DISP1: variants seen among roughly 807,000 people sequenced by gnomAD.
DISP1 encodes dispatched RND transporter family member 1.
Under a neutral mutation model 37.3 loss-of-function variants are expected in DISP1, and 30 were observed. The observed-to-expected ratio is 0.80, with a 90% CI of 0.60 to 1.09. The LOEUF is 1.09. DISP1 is among the 50% of genes least tolerant of loss of function. The pLI is 0.00. For synonymous variants in DISP1, 634 were observed against 690.2 expected, an observed-to-expected ratio of 0.92 and a Z score of 1.28; for missense variants, 1,598 against 1,879.5, an observed-to-expected ratio of 0.85 and a Z score of 2.77.
intron 3 of DISP1, among the ~76,000 whole-genome samples, chr1:222,980,720 A>G (rs549529863): frequency 6.6e-6 from 1 of 152,304 alleles, no homozygotes; most frequent in East Asian, 1.9e-4. Flanking sequence ...TACTGTACAT[A>G]TATAAAAAGA....
intron 1 of DISP1, among the ~76,000 whole-genome samples, chr1:222,857,338 A>G (rs1668612732): frequency 6.6e-6 from 1 of 152,214 alleles, no homozygotes; most frequent in Non-Finnish European, 1.5e-5. Context: ...GAATTGGACA[A>G]AAGTTGGAAG....
At chr1:222,897,793 C>T (rs1198292573) in intron 1 of DISP1, among the ~76,000 whole-genome samples, 3 of 152,108 alleles carry the variant, frequency 2.0e-5, no homozygotes, top group African/African-American at 7.2e-5. Flanking sequence ...AAATACATAC[C>T]AGTTTTATTA....
intron 1 of DISP1, among the ~76,000 whole-genome samples, chr1:222,859,044 C>A (rs1558296931): frequency 6.6e-6 from 1 of 152,286 alleles, no homozygotes; most frequent in South Asian, 2.1e-4. Flanking sequence ...ATGTTCATTG[C>A]AGCACTATTC....
chr1:222,959,265 A>C (rs953199649), intron 3 of DISP1, among the ~76,000 whole-genome samples: 1 of 152,222 alleles, frequency 6.6e-6, no homozygotes, highest in Admixed American at 6.5e-5. Context: ...AATAGTATTA[A>C]TGATTTTATT....
At chr1:222,936,640 G>T (rs1355339561) in intron 2 of DISP1, among the ~76,000 whole-genome samples, 1 of 100,712 alleles carries the variant, frequency 9.9e-6, no homozygotes. Context: ...TCATATATAT[G>T]AGATATATAT....
In DISP1 at chr1:223,005,791, A is replaced by G. The variant is rs574804436; in HGVS notation, c.4394A>G (p.Asn1465Ser). ...FNQNEPKVLF[N>S]HLMGEAGCRS... is the part of the protein sequence containing the mutation. ...CAGAATGAACCAAAAGTCCTATTTA[A>G]TCATTTAATGGGGGAGGCTGGTTGT... Residue 1465 changes from asparagine (N) to serine (S), a missense_variant, in exon 9 of 9, where the codon AAT (asparagine) becomes AGT (serine). Coordinates refer to ENST00000675850, the MANE Select transcript of DISP1 (RefSeq NM_001377229.1). 1 of 1,614,240 alleles carries G rather than the reference A, an allele frequency of 6.2e-7. No homozygotes were observed. Among genetic ancestry groups the G allele is most frequent in the Admixed American group, 1.7e-5 (1 of 60,032 alleles).
intron 1 of DISP1, among the ~76,000 whole-genome samples, chr1:222,829,039 G>A (rs974513265): frequency 1.3e-5 from 2 of 152,040 alleles, no homozygotes; most frequent in African/African-American, 4.8e-5. Context: ...CTTTCATTTA[G>A]AGTCATAAGA....
intron 3 of DISP1, among the ~76,000 whole-genome samples, chr1:222,966,967 G>A (rs1676541522): frequency 6.6e-6 from 1 of 152,126 alleles, no homozygotes; most frequent in Non-Finnish European, 1.5e-5. Flanking sequence ...CTGGTATGGA[G>A]TGGGAGGGAG....
intron 3 of DISP1, among the ~76,000 whole-genome samples, chr1:222,973,551 C>T (rs1286021264): frequency 2.0e-5 from 3 of 151,934 alleles, no homozygotes; most frequent in South Asian, 2.1e-4. Context: ...ATGGATGTGC[C>T]GCCATTTATT....
intron 1 of DISP1, among the ~76,000 whole-genome samples, chr1:222,872,901 G>A (rs1056985904): frequency 2.6e-5 from 4 of 152,066 alleles, no homozygotes; most frequent in African/African-American, 7.2e-5. Context: ...GCTTTCTCTT[G>A]TGGGCATTTA....
At chr1:222,856,768 A>G (rs542174904) in intron 1 of DISP1, among the ~76,000 whole-genome samples, 1 of 146,286 alleles carries the variant, frequency 6.8e-6, no homozygotes, top group South Asian at 2.2e-4. Flanking sequence ...GCAGTGGCTC[A>G]ATCTTGGCTC....
chr1:222,837,007 C>T, intron 1 of DISP1: 1 of 398,496 alleles, frequency 2.5e-6, no homozygotes, highest in Non-Finnish European at 4.4e-6. Context: ...AATAAAATTT[C>T]TAGTCCTGCC....
rs1169659747 is a variant in DISP1, at chr1:222,991,536, G to T, written c.680G>T (p.Gly227Val). The T allele has an allele frequency of 2.5e-5, 40 of 1,613,778 alleles. No homozygotes were observed. The highest frequency in any genetic ancestry group is 1.7e-4 in the Middle Eastern group (1 of 6,056). Reference sequence around the variant, plus strand: ...TTGCCTTAGGGTTTTGAACCAAGAGGAACAGCAATAGGCCAGAGATTGGTC... The same window carrying T: ...TTGCCTTAGGGTTTTGAACCAAGAGTAACAGCAATAGGCCAGAGATTGGTC... ...SDPLLGFEPR[G>V]TAIGQRLVTW... is the part of the protein sequence containing the mutation. Residue 227 changes from glycine (G) to valine (V), a missense_variant, in exon 6 of 9, where the codon GGA becomes GTA. Gly to Val is a moderately radical substitution (Grantham distance 109). Transcript: ENST00000675850.
chr1:222,948,471 G>A (rs1674957332), intron 3 of DISP1, among the ~76,000 whole-genome samples: 1 of 152,318 alleles, frequency 6.6e-6, no homozygotes, highest in Non-Finnish European at 1.5e-5. Flanking sequence ...GATGTCCTTG[G>A]TAAGGAATTC....
intron 2 of DISP1, among the ~76,000 whole-genome samples, chr1:222,932,242 A>G (rs1023607482): frequency 1.3e-5 from 2 of 151,920 alleles, no homozygotes; most frequent in African/African-American, 4.8e-5. Flanking sequence ...AGGATGCTTT[A>G]AAAAATGCTA....
intron 2 of DISP1, among the ~76,000 whole-genome samples, chr1:222,936,855 A>AT (rs1289268546): frequency 7.5e-5 from 5 of 66,332 alleles, no homozygotes; most frequent in South Asian, 5.5e-4. Context: ...TATATATGAT[A>AT]TATAATTTAT....
At chr1:222,876,906 T>C (rs1014700944) in intron 1 of DISP1, among the ~76,000 whole-genome samples, 18 of 152,206 alleles carry the variant, frequency 1.2e-4, no homozygotes, top group African/African-American at 4.1e-4. Flanking sequence ...AATGTTAAGA[T>C]TTTATAAATC....
At chr1:222,951,864 A>G (rs915454471) in intron 3 of DISP1, among the ~76,000 whole-genome samples, 42 of 152,240 alleles carry the variant, frequency 2.8e-4, no homozygotes, top group Admixed American at 3.9e-4. Context: ...GTAAGTATTT[A>G]CAGAATAGCT....
intron 3 of DISP1, 70 bp from the exon 4 acceptor site, chr1:222,983,010 C>G: frequency 8.4e-7 from 1 of 1,187,848 alleles, no homozygotes. Context: ...TATGTAAAGC[C>G]TTTGTTTATG....
Sources: gnomAD v4.1 joint callset for allele counts (sites outside exome capture counted in the v4.1 genomes callset) on GRCh38, gnomAD v4.1.1 for gene constraint, MANE v1.5 for transcripts, NCBI Gene and HGNC (gene_info 2026-07-23, HGNC 2026-07-21) for gene names.